The following TENM1 variants were observed in gnomAD, a reference collection of about 807,000 sequenced individuals.
TENM1 encodes teneurin transmembrane protein 1, also known as teneurin-1.
Under a neutral mutation model 174.8 loss-of-function variants are expected in TENM1, and 35 were observed. The observed-to-expected ratio is 0.20, with a 90% confidence interval of 0.15 to 0.27. The LOEUF (loss-of-function observed/expected upper bound fraction) is 0.27. TENM1 is among the 10% of genes least tolerant of loss of function. The probability of loss-of-function intolerance (pLI) is 1.00; values close to 1 mark genes in which losing one functional copy is unlikely to be tolerated. For synonymous variants in TENM1, 781 were observed against 798.7 expected (o/e 0.98, Z 0.37); for missense variants, 1,633 against 2,130.1 (o/e 0.77, Z 4.59).
chrX:124,855,618 T>A (rs1262185815), intron 3 of TENM1, among the ~76,000 whole-genome samples: 1 of 111,462 alleles, frequency 9.0e-6, no homozygotes, highest in African/African-American at 3.3e-5. Context: ...CTTCATTGTG[T>A]GTGGTTATTG....
At chrX:124,527,576 C>T (rs763001743) in intron 16 of TENM1, among the ~76,000 whole-genome samples, 1 of 110,272 alleles carries the variant, frequency 9.1e-6, no homozygotes, top group South Asian at 4.0e-4. Flanking sequence ...TCATATCACA[C>T]TCTCTACTAG....
At chrX:125,191,060 T>C in the TENM1 span, among the ~76,000 whole-genome samples, 5 of 111,736 alleles carry the variant, frequency 4.5e-5, no homozygotes, top group African/African-American at 1.3e-4. Context: ...CACATAGCAT[T>C]TGCCTTGTTG....
chrX:124,981,191 C>T, the TENM1 span, among the ~76,000 whole-genome samples: 3 of 111,614 alleles, frequency 2.7e-5, no homozygotes, highest in Non-Finnish European at 5.6e-5. Context: ...AAAACAGAGG[C>T]TCAGATATTT....
At chrX:124,471,594 A>G (rs1418898328) in intron 22 of TENM1, among the ~76,000 whole-genome samples, 1 of 77,471 alleles carries the variant, frequency 1.3e-5, no homozygotes, top group Non-Finnish European at 2.3e-5. Context: ...ATAATTATAT[A>G]ATATAGAGTA....
rs755904219 is a variant in TENM1 at position 124,752,017 on chromosome X, T to C, written c.536-14820A>G. Among the ~76,000 whole-genome samples the C allele has an allele frequency of 2.3e-4, 25 of 110,694 alleles. No homozygotes were observed. The South Asian group carries it at 8.9e-3, about 39-fold the overall frequency. ...TTTGGGTATATACCCAGTAATGGGA[T>C]GGCTGGGTCAAATGGTATTTCCAGT... On this transcript the variant is annotated intron_variant, in intron 3 of 31. Coordinates refer to ENST00000422452, the Ensembl canonical transcript of TENM1.
Position 124,860,538 on chromosome X carries a change from C to T in TENM1, c.535+33758G>A, listed in dbSNP as rs1432413339. ...AGAAAACGATGTTTAGATTAAACCTCGCTAAGGACTAAAAGGATAATTTGT... is the reference window on the plus strand; with the variant it reads ...AGAAAACGATGTTTAGATTAAACCTTGCTAAGGACTAAAAGGATAATTTGT... On this transcript the variant is annotated intron_variant, in intron 3 of 31. Coordinates refer to ENST00000422452, the Ensembl canonical transcript of TENM1. 2.7e-5 allele frequency among the ~76,000 whole-genome samples: 3 copies of T among 111,451 alleles called. No individual in the cohort carries two copies. The East Asian group carries it at 8.4e-4, about 31-fold the overall frequency.
chrX:125,063,503 T>C, the TENM1 span, among the ~76,000 whole-genome samples: 1 of 111,607 alleles, frequency 9.0e-6, no homozygotes, highest in Admixed American at 9.5e-5. Context: ...GGGCGAAGCA[T>C]ATGAACAGAC....
intron 18 of TENM1, among the ~76,000 whole-genome samples, 168 bp from the exon 22 acceptor site, chrX:124,503,871 T>C (rs887840883): frequency 8.9e-6 from 1 of 112,294 alleles, no homozygotes; most frequent in South Asian, 3.7e-4. Flanking sequence ...GCATCTAGCA[T>C]AGCATTGGTC....
chrX:125,115,070 G>A, the TENM1 span, among the ~76,000 whole-genome samples: 1 of 111,772 alleles, frequency 8.9e-6, no homozygotes, highest in African/African-American at 3.3e-5. Context: ...TCCCTGGGAT[G>A]CAAGGCTGGT....
chrX:124,507,222 T>A (rs2047471619), intron 18 of TENM1, among the ~76,000 whole-genome samples: 1 of 111,641 alleles, frequency 9.0e-6, no homozygotes, highest in Admixed American at 9.5e-5. Context: ...TCCCAGGGGT[T>A]AGCATAATGG....
chrX:124,575,422 G>C (rs2049145484), intron 11 of TENM1, among the ~76,000 whole-genome samples: 1 of 111,885 alleles, frequency 8.9e-6, no homozygotes, highest in South Asian at 3.7e-4. Flanking sequence ...ATGTCAGCTA[G>C]CTTTAACTGA....
At chrX:124,888,539 A>G (rs1259676921) in intron 3 of TENM1, among the ~76,000 whole-genome samples, 1 of 111,923 alleles carries the variant, frequency 8.9e-6, no homozygotes, top group African/African-American at 3.2e-5. Context: ...ATGTTGTATT[A>G]TTTAAAATAA....
chrX:124,736,704 T>C (rs2148550258), intron 4 of TENM1, among the ~76,000 whole-genome samples: 1 of 112,139 alleles, frequency 8.9e-6, no homozygotes, highest in South Asian at 3.7e-4. Flanking sequence ...GCAGGGTGTT[T>C]ATGTATCTGC....
intron 11 of TENM1, among the ~76,000 whole-genome samples, chrX:124,576,944 C>CTG (rs769582501): frequency 8.9e-6 from 1 of 111,981 alleles, no homozygotes; most frequent in Non-Finnish European, 1.9e-5. Context: ...CAAAGAAACT[C>CTG]TACAAACCAA....
intron 18 of TENM1, among the ~76,000 whole-genome samples, chrX:124,516,496 A>G (rs1208040127): frequency 8.9e-6 from 1 of 112,262 alleles, no homozygotes; most frequent in African/African-American, 3.2e-5. Context: ...AACTTAAACA[A>G]ATTAATAAGA....
the TENM1 span, among the ~76,000 whole-genome samples, chrX:125,100,054 G>T: frequency 9.0e-6 from 1 of 111,346 alleles, no homozygotes; most frequent in African/African-American, 3.3e-5. Flanking sequence ...AATTTGGCAA[G>T]GTAGACATTT....
chrX:124,593,741 A>G (rs2049820930), intron 11 of TENM1, among the ~76,000 whole-genome samples: 1 of 112,031 alleles, frequency 8.9e-6, no homozygotes, highest in Non-Finnish European at 1.9e-5. Flanking sequence ...AATGGCATAC[A>G]CAGACCAGAT....
At chrX:124,946,780 T>A (rs1230287597) in intron 1 of TENM1, among the ~76,000 whole-genome samples, 1 of 110,252 alleles carries the variant, frequency 9.1e-6, no homozygotes, top group African/African-American at 3.3e-5. Context: ...TGGTAGGGAA[T>A]GAAATAAGAA....
intron 19 of TENM1, among the ~76,000 whole-genome samples, chrX:124,498,678 C>T (rs2047258158): frequency 9.2e-6 from 1 of 109,131 alleles, no homozygotes; most frequent in Non-Finnish European, 1.9e-5. Flanking sequence ...TCCAGTTTTC[C>T]TCAATGCTCC....
Sources: gnomAD v4.1 joint callset for allele counts (sites outside exome capture counted in the v4.1 genomes callset) on GRCh38, gnomAD v4.1.1 for gene constraint, MANE v1.5 for transcripts, NCBI Gene and HGNC (gene_info 2026-07-23, HGNC 2026-07-21) for gene names.